The following IGSF21 variants were observed in gnomAD, a reference collection of about 807,000 sequenced individuals.
IGSF21 encodes immunoglobulin superfamily member 21.
IGSF21 carries 28 observed loss-of-function variants against 46.8 expected under a neutral mutation model. The observed-to-expected ratio is 0.60, with a 90% CI of 0.44 to 0.82. The LOEUF is 0.82. Among genes scored for constraint, IGSF21 ranks in the 40% least tolerant of loss-of-function variants. IGSF21 has a pLI of 0.00. For synonymous variants in IGSF21, 284 were observed against 273.6 expected (o/e 1.04, Z -0.38); for missense variants, 624 against 665.5 (o/e 0.94, Z 0.69).
intron 1 of IGSF21, among the ~76,000 whole-genome samples, chr1:18,200,037 G>A (rs1441786937): frequency 6.6e-6 from 1 of 152,146 alleles, no homozygotes; most frequent in African/African-American, 2.4e-5. Flanking sequence ...CCACTCATGG[G>A]TTCTGCTGCT....
At chr1:18,148,368 A>G (rs979140918) in intron 1 of IGSF21, among the ~76,000 whole-genome samples, 47 of 151,990 alleles carry the variant, frequency 3.1e-4, no homozygotes, top group Non-Finnish European at 6.3e-4. Flanking sequence ...TCCTGACCTC[A>G]TGATCCGCCC....
intron 1 of IGSF21, among the ~76,000 whole-genome samples, chr1:18,132,687 C>T (rs898657572): frequency 6.6e-6 from 1 of 152,140 alleles, no homozygotes; most frequent in Non-Finnish European, 1.5e-5. Context: ...AACCTCACTT[C>T]CAGGGGCCCC....
chr1:18,219,566 A>T (rs1001672722), intron 1 of IGSF21, among the ~76,000 whole-genome samples: 2 of 152,146 alleles, frequency 1.3e-5, no homozygotes, highest in Non-Finnish European at 1.5e-5. Context: ...AGCTAGTTGG[A>T]TTCTGCATAT....
intron 1 of IGSF21, among the ~76,000 whole-genome samples, chr1:18,188,004 C>T (rs1190783847): frequency 6.6e-6 from 1 of 152,058 alleles, no homozygotes; most frequent in Non-Finnish European, 1.5e-5. Flanking sequence ...GGAGGTCCCC[C>T]CTAGATTTTG....
chr1:18,153,967 C>A (rs1411349646), intron 1 of IGSF21, among the ~76,000 whole-genome samples: 2 of 152,116 alleles, frequency 1.3e-5, no homozygotes, highest in African/African-American at 4.8e-5. Flanking sequence ...AGAGTCTTGC[C>A]CGCATCACAC....
At chr1:18,237,967 G>C (rs753315386) in intron 2 of IGSF21, among the ~76,000 whole-genome samples, 1 of 151,898 alleles carries the variant, frequency 6.6e-6, no homozygotes, top group Non-Finnish European at 1.5e-5. Flanking sequence ...TTCTATGTGG[G>C]GGCCTCAGGG....
intron 1 of IGSF21, among the ~76,000 whole-genome samples, chr1:18,133,606 C>G (rs1475628048): frequency 1.3e-5 from 2 of 152,236 alleles, no homozygotes; most frequent in African/African-American, 2.4e-5. Context: ...ACTGCCAGCC[C>G]CCTTGCACCA....
chr1:18,160,909 G>A (rs796922265), intron 1 of IGSF21, among the ~76,000 whole-genome samples: 9 of 152,212 alleles, frequency 5.9e-5, no homozygotes, highest in African/African-American at 2.2e-4. Flanking sequence ...GCCGTTCCTG[G>A]AGGCTGACTT....
At chr1:18,189,242 T>C (rs1381726856) in intron 1 of IGSF21, among the ~76,000 whole-genome samples, 2 of 152,192 alleles carry the variant, frequency 1.3e-5, no homozygotes, top group Non-Finnish European at 2.9e-5. Flanking sequence ...TCTCGCTTGC[T>C]GAAAGGAGCA....
At chr1:18,291,318 G>T (rs1438475339) in intron 2 of IGSF21, among the ~76,000 whole-genome samples, 1 of 152,218 alleles carries the variant, frequency 6.6e-6, no homozygotes, top group South Asian at 2.1e-4. Context: ...GCCCCACGCT[G>T]TCCCCGTCTG....
chr1:18,200,814 T>G (rs1272007805), intron 1 of IGSF21, among the ~76,000 whole-genome samples: 2 of 152,184 alleles, frequency 1.3e-5, no homozygotes, highest in Admixed American at 6.5e-5. Flanking sequence ...TGCCCTTGGA[T>G]CAGCCTCTGT....
chr1:18,356,444 G>C (rs115515298), intron 4 of IGSF21, among the ~76,000 whole-genome samples: 1,641 of 152,322 alleles, frequency 0.011, 21 homozygotes, highest in African/African-American at 0.038. Context: ...AGGGGTCTTC[G>C]TTGATGATTC....
chr1:18,325,554 A>G (rs983519283), intron 3 of IGSF21, among the ~76,000 whole-genome samples: 3 of 151,966 alleles, frequency 2.0e-5, no homozygotes, highest in African/African-American at 7.3e-5. Context: ...GAAAAATTAG[A>G]CCACAACTCC....
intron 1 of IGSF21, among the ~76,000 whole-genome samples, chr1:18,173,164 T>A (rs1489815455): frequency 2.0e-5 from 3 of 152,114 alleles, no homozygotes; most frequent in African/African-American, 7.2e-5. Context: ...GGCGGGTGCC[T>A]GTAGTCTCAG....
At chr1:18,250,102 C>CCTCG (rs2084825161) in intron 2 of IGSF21, among the ~76,000 whole-genome samples, 2 of 68,702 alleles carry the variant, frequency 2.9e-5, no homozygotes, top group Admixed American at 1.8e-4. Context: ...TCCCTCGCTC[C>CCTCG]CTCCCTCCCT....
chr1:18,361,823 T>C (rs1206089953), intron 4 of IGSF21: 1 of 302,638 alleles, frequency 3.3e-6, no homozygotes, highest in Non-Finnish European at 6.2e-6. Flanking sequence ...AACACACTGA[T>C]GCCTCCGGGG....
intron 4 of IGSF21, among the ~76,000 whole-genome samples, chr1:18,341,210 T>A (rs931268016): frequency 2.0e-5 from 3 of 149,936 alleles, no homozygotes; most frequent in African/African-American, 7.3e-5. Context: ...AGCAATGCAC[T>A]CACCTTGGCC....
Position 18,335,033 on chromosome 1 carries a change from C to G in IGSF21, c.424+23C>G, listed in dbSNP as rs2085752544. 6.5e-7 allele frequency: 1 copy of G among 1,548,570 alleles called. No homozygotes were observed. On this transcript the variant is annotated intron_variant, in intron 4 of 9. Coordinates refer to ENST00000251296, the MANE Select transcript of IGSF21 (RefSeq NM_032880.5). This position sits in a 1 kb window ranked among gnomAD's most constrained non-coding sequence, Gnocchi z 4.8. Reference sequence around the variant, plus strand: ...TGGGTGAGTGCAGGGCCACTGGCCCCTGGTGTCTCAGTGAGGAGGACGAGT... The same window carrying G: ...TGGGTGAGTGCAGGGCCACTGGCCCGTGGTGTCTCAGTGAGGAGGACGAGT...
intron 2 of IGSF21, among the ~76,000 whole-genome samples, chr1:18,275,418 C>A (rs534319903): frequency 2.2e-4 from 33 of 152,280 alleles, no homozygotes; most frequent in Middle Eastern, 6.8e-3. Context: ...ATTCTTGGAG[C>A]CTGGCTGTGA....
Sources: allele counts gnomAD v4.1 joint callset (sites outside exome capture counted in the v4.1 genomes callset), GRCh38; gene constraint gnomAD v4.1.1; non-coding constraint Gnocchi (gnomAD v3.1); transcripts MANE v1.5; gene names NCBI Gene and HGNC (gene_info 2026-07-23, HGNC 2026-07-21).